RNFT2: variants seen among roughly 807,000 people sequenced by gnomAD.
The protein encoded by RNFT2 is ring finger protein, transmembrane 2, also known as E3 ubiquitin-protein ligase RNFT2.
A neutral mutation model predicts 53.0 loss-of-function variants in RNFT2; 36 were observed. The observed-to-expected ratio is 0.68, with a 90% CI of 0.52 to 0.90. The LOEUF (loss-of-function observed/expected upper bound fraction) is 0.90, where lower values mean the gene tolerates loss of function less well. Among genes scored for constraint, RNFT2 ranks in the 40% least tolerant of loss-of-function variants. The pLI, the probability that RNFT2 is intolerant of heterozygous loss-of-function variation, is 0.00. For missense variants in RNFT2, 514 were observed against 585.6 expected (o/e 0.88, Z 1.26); for synonymous variants, 260 against 253.2 (o/e 1.03, Z -0.26).
intron 7 of RNFT2, among the ~76,000 whole-genome samples, chr12:116,780,022 T>C (rs1408602152): frequency 6.6e-6 from 1 of 151,808 alleles, no homozygotes; most frequent in African/African-American, 2.4e-5. Context: ...CTAAAGAGTG[T>C]TTGAAGTCTC....
intron 7 of RNFT2, among the ~76,000 whole-genome samples, chr12:116,797,843 T>G (rs552053443): frequency 4.6e-5 from 7 of 152,226 alleles, no homozygotes; most frequent in Admixed American, 4.6e-4. Context: ...GGGCAGTTTA[T>G]GCAGAAATTT....
intron 7 of RNFT2, among the ~76,000 whole-genome samples, chr12:116,815,914 C>A (rs1327765032): frequency 2.0e-5 from 3 of 152,184 alleles, no homozygotes; most frequent in African/African-American, 7.2e-5. Flanking sequence ...AAGTCATGGG[C>A]TCCAGACCAC....
chr12:116,792,707 G>C (rs1874311860), intron 7 of RNFT2, among the ~76,000 whole-genome samples: 1 of 152,072 alleles, frequency 6.6e-6, no homozygotes, highest in Non-Finnish European at 1.5e-5. Context: ...TTGCCTGTCT[G>C]AGTGCTCTCC....
At chr12:116,741,587 G>A (rs11068168) in intron 3 of RNFT2, among the ~76,000 whole-genome samples, 72 of 152,288 alleles carry the variant, frequency 4.7e-4, no homozygotes, top group Admixed American at 3.1e-3. Flanking sequence ...AATCCCATTC[G>A]TGAAGAGCCC....
At chr12:116,742,199 G>A (rs185229808) in intron 3 of RNFT2, among the ~76,000 whole-genome samples, 1 of 152,110 alleles carries the variant, frequency 6.6e-6, no homozygotes, top group Admixed American at 6.5e-5. Context: ...AGGCAAGGCA[G>A]GGGCAATAGT....
chr12:116,758,944 C>T (rs180767393), intron 5 of RNFT2, among the ~76,000 whole-genome samples: 30 of 152,252 alleles, frequency 2.0e-4, no homozygotes, highest in Admixed American at 1.8e-3. Context: ...GATTATTCCC[C>T]CAAATATGTT....
intron 6 of RNFT2, among the ~76,000 whole-genome samples, chr12:116,771,129 C>G (rs1873155308): frequency 6.6e-6 from 1 of 152,008 alleles, no homozygotes; most frequent in South Asian, 2.1e-4. Flanking sequence ...GTTGCTGACT[C>G]CTGACCTAAA....
chr12:116,767,728 C>T (rs545840231), intron 6 of RNFT2, among the ~76,000 whole-genome samples: 2 of 151,902 alleles, frequency 1.3e-5, no homozygotes, highest in African/African-American at 2.4e-5. Context: ...TACAGACATG[C>T]GCCACCACGC....
chr12:116,850,625 T>TTCTTTTTTTTTTTC lies in RNFT2; in HGVS notation c.*1178_*1179insCTTTTTTTTTTTCT, dbSNP rs548979341. On this transcript the variant is annotated 3_prime_UTR_variant, in exon 11 of 11. Coordinates refer to ENST00000257575, the MANE Select transcript of RNFT2 (RefSeq NM_001382266.1). Reference sequence around the variant, plus strand: ...AGTATTTTTTCTTTTCTTTTCTTTTTTTTTTTTTTTTTGTTGTTGTGAGAC... The same window carrying TTCTTTTTTTTTTTC: ...AGTATTTTTTCTTTTCTTTTCTTTTTTCTTTTTTTTTTTCTTTTTTTTTTTTGTTGTTGTGAGAC... The TTCTTTTTTTTTTTC allele has an allele frequency of 1.4e-5, 2 of 146,470 alleles. No homozygotes were observed. The highest frequency in any genetic ancestry group is 3.0e-5 in the Non-Finnish European group (2 of 66,764). The allele number at this position is 146,470 out of a possible 1,614,324, so 9.1% of individuals were successfully genotyped here.
intron 10 of RNFT2, among the ~76,000 whole-genome samples, chr12:116,845,517 G>A (rs1005302257): frequency 6.6e-6 from 1 of 152,132 alleles, no homozygotes; most frequent in Admixed American, 6.6e-5. Flanking sequence ...CACCCAGCTG[G>A]TCAAGATGGA....
At chr12:116,815,793 T>C (rs1244830533) in intron 7 of RNFT2, among the ~76,000 whole-genome samples, 1 of 152,196 alleles carries the variant, frequency 6.6e-6, no homozygotes, top group Non-Finnish European at 1.5e-5. Context: ...CCATATCCCC[T>C]ACTTTGCTAA....
At chr12:116,791,781 AATAC>A (rs1269977099) in intron 7 of RNFT2, among the ~76,000 whole-genome samples, 4 of 152,176 alleles carry the variant, frequency 2.6e-5, no homozygotes, top group African/African-American at 9.7e-5. Context: ...TTTTGTGGTA[AATAC>A]ATAGGCAGAG....
chr12:116,743,130 G>T (rs1475866936), intron 3 of RNFT2, among the ~76,000 whole-genome samples: 24 of 140,524 alleles, frequency 1.7e-4, no homozygotes, highest in African/African-American at 5.8e-4. Flanking sequence ...AGTGGTTGGG[G>T]TTATGGGCTC....
intron 10 of RNFT2, among the ~76,000 whole-genome samples, chr12:116,836,578 C>T (rs1301447251): frequency 6.6e-6 from 1 of 152,138 alleles, no homozygotes; most frequent in African/African-American, 2.4e-5. Context: ...TTCTTGACCC[C>T]CTGTGGGTCA....
At chr12:116,743,213 T>TAAAAGAAAAAAAAAAAAAAAAAAA (rs1871705404) in intron 3 of RNFT2, among the ~76,000 whole-genome samples, 1 of 10,678 alleles carries the variant, frequency 9.4e-5, no homozygotes, top group Non-Finnish European at 1.7e-4. Context: ...AGGTAGAATC[T>TAAAAGAAAAAAAAAAAAAAAAAAA]AAAAAAAAAA....
chr12:116,796,202 C>A (rs1168017178), intron 7 of RNFT2, among the ~76,000 whole-genome samples: 3 of 152,160 alleles, frequency 2.0e-5, no homozygotes, highest in Non-Finnish European at 4.4e-5. Flanking sequence ...AGCCACCATG[C>A]CCAGCCTCTC....
At chr12:116,744,808 C>T (rs936096482) in intron 3 of RNFT2, among the ~76,000 whole-genome samples, 1 of 152,084 alleles carries the variant, frequency 6.6e-6, no homozygotes, top group Non-Finnish European at 1.5e-5. Context: ...TTGAGTCTTC[C>T]CTGGTTGTAC....
Position 116,750,074 on chromosome 12 carries a change from C to T in RNFT2, c.317C>T (p.Ala106Val), listed in dbSNP as rs748709554. 4 of 1,545,724 alleles carry T rather than the reference C, an allele frequency of 2.6e-6. No individual in the cohort carries two copies. The highest frequency in any genetic ancestry group is 2.4e-5 in the East Asian group (1 of 41,588). Reference protein sequence around the residue: ...EEGGGRGEGGAYHHRQPHHHF... With the variant: ...EEGGGRGEGGVYHHRQPHHHF... ...GGAGGGGGCCGGGGCGAGGGGGGCG[C>T]CTACCACCACCGCCAGCCCCACCAC... Residue 106 changes from alanine to valine, a missense_variant, in exon 4 of 11, where the codon GCC (alanine) becomes GTC (valine). Ala to Val is a moderately conservative substitution (Grantham distance 64). Coordinates refer to ENST00000257575, the MANE Select transcript of RNFT2 (RefSeq NM_001382266.1).
At chr12:116,841,372 G>A (rs1437578204) in intron 10 of RNFT2, among the ~76,000 whole-genome samples, 1 of 152,080 alleles carries the variant, frequency 6.6e-6, no homozygotes, top group Non-Finnish European at 1.5e-5. Flanking sequence ...AGGATTGCCT[G>A]AGCCCAAGAG....
Sources: gnomAD v4.1 joint callset for allele counts (sites outside exome capture counted in the v4.1 genomes callset) on GRCh38, gnomAD v4.1.1 for gene constraint, MANE v1.5 for transcripts, NCBI Gene and HGNC (gene_info 2026-07-23, HGNC 2026-07-21) for gene names.